Variants in CPE observed in about 807,000 individuals in gnomAD.
CPE encodes the protein carboxypeptidase E.
CPE carries 17 observed loss-of-function variants against 53.5 expected under a neutral mutation model. That is an observed-to-expected ratio of 0.32 (90% CI 0.22 to 0.48). The LOEUF (loss-of-function observed/expected upper bound fraction) is 0.48. Ranked by LOEUF, CPE falls within the 20% of genes least tolerant of loss-of-function variation. The pLI, the probability that CPE is intolerant of heterozygous loss-of-function variation, is 0.99. For synonymous variants in CPE, 226 were observed against 228.8 expected (o/e 0.99, Z 0.11); for missense variants, 524 against 614.7 (o/e 0.85, Z 1.56).
At chr4:165,471,185 T>G (rs748238208) in intron 3 of CPE, among the ~76,000 whole-genome samples, 1 of 152,182 alleles carries the variant, frequency 6.6e-6, no homozygotes, top group Non-Finnish European at 1.5e-5. Context: ...AAGACTTGTG[T>G]GGATGGGGTT....
At chr4:165,481,441 G>A (rs1346020493) in intron 3 of CPE, among the ~76,000 whole-genome samples, 2 of 152,148 alleles carry the variant, frequency 1.3e-5, no homozygotes, top group Admixed American at 6.5e-5. Flanking sequence ...CATGGATCAC[G>A]TTGCCAGTAA....
intron 1 of CPE, among the ~76,000 whole-genome samples, chr4:165,414,417 C>T (rs1348164075): frequency 6.6e-6 from 1 of 152,024 alleles, no homozygotes; most frequent in Non-Finnish European, 1.5e-5. Context: ...TTGTACACAC[C>T]TCAAAGTCAA....
intron 1 of CPE, among the ~76,000 whole-genome samples, chr4:165,390,434 C>T (rs528481708): frequency 3.7e-4 from 57 of 152,248 alleles, no homozygotes; most frequent in African/African-American, 1.3e-3. Context: ...ATTTTTGCCG[C>T]CATTTCTTGA....
At chr4:165,489,561 G>A (rs1732565215) in intron 6 of CPE, among the ~76,000 whole-genome samples, 1 of 152,176 alleles carries the variant, frequency 6.6e-6, no homozygotes, top group South Asian at 2.1e-4. Flanking sequence ...CGAGTCACGG[G>A]AGTTTGGAAA....
intron 1 of CPE, chr4:165,414,947 A>T (rs1446126488): frequency 6.6e-6 from 1 of 152,222 alleles, no homozygotes; most frequent in African/African-American, 2.4e-5. Context: ...AAAAAACAAA[A>T]TATAATTAGC....
chr4:165,461,654 G>A (rs796809604), intron 1 of CPE, among the ~76,000 whole-genome samples: 117 of 152,206 alleles, frequency 7.7e-4, no homozygotes, highest in African/African-American at 2.7e-3. Context: ...CCTGAACATT[G>A]TCCATTGCAT....
chr4:165,439,660 T>C (rs1731574738), intron 1 of CPE, among the ~76,000 whole-genome samples: 1 of 152,038 alleles, frequency 6.6e-6, no homozygotes, highest in South Asian at 2.1e-4. Context: ...GTTACATTTC[T>C]TCCTCTTACA....
chr4:165,487,624 A>T (rs1224854377), intron 6 of CPE, 47 bp downstream of exon 6: 1 of 1,607,706 alleles, frequency 6.2e-7, no homozygotes, highest in Non-Finnish European at 8.5e-7. Flanking sequence ...CAAGCATTCA[A>T]ACCTGTCCTA....
rs545983466 is a variant in CPE, at chr4:165,473,752, G to A, written c.672+5897G>A. On this transcript the variant is annotated intron_variant, in intron 3 of 8. Transcript: ENST00000402744. The stretch of plus-strand genomic sequence containing the variant: ...GAGGAGGTGCCATTTGCCCCATTAT[G>A]TGGCAGAATTTGGAGGAGAGTTCAG... Among the ~76,000 whole-genome samples, 5 of 116,958 alleles carry A rather than the reference G, an allele frequency of 4.3e-5. No homozygotes were observed. The South Asian group carries it at 1.4e-3, about 32-fold the overall frequency. The allele number at this position is 116,958 out of a possible 152,430, so 76.7% of individuals were successfully genotyped here.
intron 1 of CPE, among the ~76,000 whole-genome samples, chr4:165,440,006 A>G (rs1375737478): frequency 1.3e-5 from 2 of 152,252 alleles, no homozygotes; most frequent in Non-Finnish European, 2.9e-5. Context: ...CTTAGCTCAA[A>G]GATCATCATT....
chr4:165,458,019 G>T (rs951150940), intron 1 of CPE, among the ~76,000 whole-genome samples: 1 of 152,090 alleles, frequency 6.6e-6, no homozygotes, highest in South Asian at 2.1e-4. Context: ...AAACTTGTAG[G>T]GTTCAGTTTC....
At chr4:165,403,846 G>T (rs780594043) in intron 1 of CPE, among the ~76,000 whole-genome samples, 1 of 152,004 alleles carries the variant, frequency 6.6e-6, no homozygotes, top group Non-Finnish European at 1.5e-5. Context: ...GAGCACAGTG[G>T]GTTCCACCTT....
chr4:165,447,118 A>C (rs935378632), intron 1 of CPE, among the ~76,000 whole-genome samples: 1 of 152,246 alleles, frequency 6.6e-6, no homozygotes. Flanking sequence ...AAGATTAAAA[A>C]TGGTACACCT....
At chr4:165,421,661 T>TCTTA (rs57935071) in intron 1 of CPE, among the ~76,000 whole-genome samples, 44,864 of 151,978 alleles carry the variant, frequency 0.3, 6,681 homozygotes, top group Middle Eastern at 0.39. Flanking sequence ...GTTATAGAAT[T>TCTTA]CTTAAAGTTT....
intron 1 of CPE, among the ~76,000 whole-genome samples, chr4:165,442,121 C>A (rs1472007244): frequency 6.9e-6 from 1 of 143,910 alleles, no homozygotes; most frequent in Non-Finnish European, 1.5e-5. Flanking sequence ...TGGCTGACTG[C>A]AGCCTTGAAC....
chr4:165,396,226 C>T (rs184645337), intron 1 of CPE, among the ~76,000 whole-genome samples: 1 of 152,082 alleles, frequency 6.6e-6, no homozygotes, highest in East Asian at 1.9e-4. Flanking sequence ...TTTAACGGGG[C>T]TAGGGAACTT....
chr4:165,451,314 T>TC (rs1284899137), intron 1 of CPE, among the ~76,000 whole-genome samples: 1 of 152,142 alleles, frequency 6.6e-6, no homozygotes, highest in East Asian at 1.9e-4. Context: ...TTTCTAAGTC[T>TC]CCAACAGGGA....
intron 3 of CPE, among the ~76,000 whole-genome samples, chr4:165,481,016 A>ATTT (rs11421146): frequency 2.4e-4 from 27 of 110,962 alleles, no homozygotes; most frequent in Admixed American, 3.8e-4. Context: ...ATATATATAT[A>ATTT]TTTTTTTTTT....
intron 4 of CPE, among the ~76,000 whole-genome samples, chr4:165,483,000 T>A (rs1187602475): frequency 1.3e-5 from 2 of 151,702 alleles, no homozygotes; most frequent in Non-Finnish European, 2.9e-5. Flanking sequence ...ATGATTAGTT[T>A]GTTTTTTTTT....
Sources: gnomAD v4.1 joint callset for allele counts (sites outside exome capture counted in the v4.1 genomes callset) on GRCh38, gnomAD v4.1.1 for gene constraint, MANE v1.5 for transcripts, NCBI Gene and HGNC (gene_info 2026-07-23, HGNC 2026-07-21) for gene names.